Variants in ULK1 observed in about 807,000 individuals in gnomAD.
The protein encoded by ULK1 is unc-51 like autophagy activating kinase 1.
Under a neutral mutation model 117.5 loss-of-function variants are expected in ULK1, and 48 were observed. The ratio of observed to expected loss-of-function variants is 0.41; its 90% CI spans 0.32 to 0.52. The LOEUF is 0.52. Among genes scored for constraint, ULK1 ranks in the 20% least tolerant of loss-of-function variants. ULK1 has a pLI of 0.29. For missense variants in ULK1, 1,387 were observed against 1,473.4 expected, an observed-to-expected ratio of 0.94 and a Z score of 0.96; for synonymous variants, 790 against 637.8, an observed-to-expected ratio of 1.24 and a Z score of -3.60.
chr12:131,899,300 T>C (rs1593258436), intron 3 of ULK1, among the ~76,000 whole-genome samples: 1 of 149,182 alleles, frequency 6.7e-6, no homozygotes, highest in East Asian at 2.0e-4. Flanking sequence ...GCGATTCTCC[T>C]GCCTCAGCCT....
intron 5 of ULK1, among the ~76,000 whole-genome samples, chr12:131,907,936 G>A (rs1187276951): frequency 2.0e-5 from 3 of 151,130 alleles, no homozygotes; most frequent in Admixed American, 6.6e-5. Context: ...GCAGGGGGGC[G>A]GCCGCGCCCG....
intron 8 of ULK1, 100 bp from the exon 9 acceptor site, chr12:131,909,675 G>C (rs1174208945): frequency 7.0e-6 from 9 of 1,284,366 alleles, no homozygotes; most frequent in African/African-American, 3.0e-5. Flanking sequence ...GCTTCGCAGC[G>C]TCTGGGGCAG....
chr12:131,909,735 G>C, intron 8 of ULK1, 40 bp from the exon 9 acceptor site: 1 of 1,548,050 alleles, frequency 6.5e-7, no homozygotes, highest in Non-Finnish European at 8.7e-7. Flanking sequence ...GGTCCCGCTC[G>C]GCCGCAGCCC....
intron 18 of ULK1, 91 bp downstream of exon 18, chr12:131,915,512 T>G: frequency 6.9e-7 from 1 of 1,444,608 alleles, no homozygotes; most frequent in Non-Finnish European, 9.3e-7. Flanking sequence ...TCTTTCCAAG[T>G]GAAAAGGAGT....
At chr12:131,912,330 C>T (rs573885666) in intron 13 of ULK1, among the ~76,000 whole-genome samples, 1 of 152,204 alleles carries the variant, frequency 6.6e-6, no homozygotes, top group Non-Finnish European at 1.5e-5. Context: ...GGCCTGGTCT[C>T]CTTAGACAGT....
At chr12:131,913,875 C>G (rs1889656360) in intron 15 of ULK1, 39 bp downstream of exon 15, 1 of 1,453,570 alleles carries the variant, frequency 6.9e-7, no homozygotes, top group African/African-American at 1.5e-5. Flanking sequence ...GGGCTGTGAA[C>G]AGTCCCCCGG....
At chr12:131,917,670 G>T in intron 22 of ULK1, 116 bp downstream of exon 22, 1 of 1,076,316 alleles carries the variant, frequency 9.3e-7, no homozygotes, top group Non-Finnish European at 1.2e-6. Flanking sequence ...GCCCAGGGGT[G>T]CCTGAGGAAG....
At position 131,913,753 on chromosome 12, in the gene ULK1, A is replaced by G; in HGVS notation, c.1164A>G (p.Ser388=). 6.5e-7 allele frequency: 1 copy of G among 1,534,334 alleles called. No homozygotes were observed. Among genetic ancestry groups the G allele is most frequent in the Non-Finnish European group, 8.8e-7 (1 of 1,141,766 alleles). ...CCTCCCTTCTGCCCCACAGGAGCTC[A>G]CTGGTGGCCTCTGCGGGCTTGGAGA... The part of the protein sequence containing the change: ...PPDSLMCSGS[S]LVASAGLESH... Residue 388 remains serine (S), a synonymous_variant, in exon 15 of 28, where the codon TCA becomes TCG. Coordinates refer to ENST00000321867, the MANE Select transcript of ULK1 (RefSeq NM_003565.4).
chr12:131,915,506 T>C (rs956975284), intron 18 of ULK1, 85 bp downstream of exon 18: 3 of 1,487,542 alleles, frequency 2.0e-6, no homozygotes, highest in Middle Eastern at 2.3e-4. Flanking sequence ...CCTTGCTCTT[T>C]CCAAGTGAAA....
intron 3 of ULK1, among the ~76,000 whole-genome samples, chr12:131,899,653 G>A (rs1271499707): frequency 7.9e-5 from 12 of 152,128 alleles, no homozygotes. Context: ...ACCATACTTG[G>A]TTAGGCACAT....
At chr12:131,907,330 A>G (rs1750049764) in intron 4 of ULK1, among the ~76,000 whole-genome samples, 165 bp from the exon 5 acceptor site, 2 of 151,958 alleles carry the variant, frequency 1.3e-5, no homozygotes, top group South Asian at 2.1e-4. Flanking sequence ...GAGTATCACT[A>G]TTGATGTCTT....
intron 22 of ULK1, 51 bp downstream of exon 22, chr12:131,917,605 C>A (rs769091574): frequency 1.5e-6 from 2 of 1,326,330 alleles, no homozygotes; most frequent in Admixed American, 3.2e-5. Context: ...GGTGGCAGCG[C>A]CCTAGCGGAC....
At chr12:131,899,812 C>G (rs1406179349) in intron 3 of ULK1, among the ~76,000 whole-genome samples, 1 of 152,156 alleles carries the variant, frequency 6.6e-6, no homozygotes, top group Non-Finnish European at 1.5e-5. Context: ...CTGGCACCTC[C>G]GTTTTCTTAC....
At chr12:131,898,494 A>C (rs1162116881) in intron 3 of ULK1, among the ~76,000 whole-genome samples, 1 of 151,654 alleles carries the variant, frequency 6.6e-6, no homozygotes, top group Non-Finnish European at 1.5e-5. Flanking sequence ...GACATCTCTT[A>C]TGGTTTTGCT....
chr12:131,896,576 C>G (rs1357547829), intron 3 of ULK1: 1 of 152,544 alleles, frequency 6.6e-6, no homozygotes, highest in Non-Finnish European at 1.5e-5. Context: ...TTTTGGTGGC[C>G]TCCTCCGTCC....
chr12:131,915,756 G>C, intron 18 of ULK1, 135 bp from the exon 19 acceptor site: 2 of 1,249,374 alleles, frequency 1.6e-6, no homozygotes, highest in Non-Finnish European at 2.2e-6. Flanking sequence ...ATGACAGGGC[G>C]AGACCCCGTC....
chr12:131,899,249 C>CATA, intron 3 of ULK1, among the ~76,000 whole-genome samples: 1 of 151,502 alleles, frequency 6.6e-6, no homozygotes, highest in African/African-American at 2.4e-5. Flanking sequence ...AGTGCAGTGG[C>CATA]ACCATCTCGA....
chr12:131,911,179 C>T (rs1450201480), intron 12 of ULK1, among the ~76,000 whole-genome samples: 5 of 152,212 alleles, frequency 3.3e-5, no homozygotes, highest in African/African-American at 1.2e-4. Context: ...GATGATGGCA[C>T]TCCTTGTGTG....
intron 3 of ULK1, chr12:131,906,590 G>C: frequency 2.2e-6 from 1 of 461,362 alleles, no homozygotes; most frequent in Non-Finnish European, 4.0e-6. Context: ...ACACACACCT[G>C]CCCACACACC....
Sources: allele counts gnomAD v4.1 joint callset (sites outside exome capture counted in the v4.1 genomes callset), GRCh38; gene constraint gnomAD v4.1.1; transcripts MANE v1.5; gene names NCBI Gene and HGNC (gene_info 2026-07-23, HGNC 2026-07-21).